FHIT: variants seen among roughly 807,000 people sequenced by gnomAD.
FHIT encodes the protein bis(5'-adenosyl)-triphosphatase.
A neutral mutation model predicts 17.9 loss-of-function variants in FHIT; 19 were observed. That is an observed-to-expected ratio of 1.06 (90% CI 0.74 to 1.56). The LOEUF (loss-of-function observed/expected upper bound fraction) is 1.56. Ranked by LOEUF, FHIT falls within the 40% of genes most tolerant of loss-of-function variation. The pLI, the probability that FHIT is intolerant of heterozygous loss-of-function variation, is 0.00. For synonymous variants in FHIT, 81 were observed against 69.7 expected (o/e 1.16, Z -0.81); for missense variants, 248 against 189.2 (o/e 1.31, Z -1.82).
At chr3:59,798,340 T>C (rs1699862673) in intron 8 of FHIT, among the ~76,000 whole-genome samples, 1 of 152,160 alleles carries the variant, frequency 6.6e-6, no homozygotes, top group Non-Finnish European at 1.5e-5. Context: ...GCTATACGAT[T>C]TAGGTAAATT....
intron 5 of FHIT, among the ~76,000 whole-genome samples, chr3:60,280,232 C>CA (rs1707367375): frequency 2.0e-5 from 3 of 151,850 alleles, no homozygotes; most frequent in South Asian, 2.1e-4. Flanking sequence ...AACTCGATAC[C>CA]AAAAAATCTA....
intron 4 of FHIT, among the ~76,000 whole-genome samples, chr3:60,801,270 C>T (rs1559733480): frequency 6.6e-6 from 1 of 152,214 alleles, no homozygotes. Context: ...GCCAGTCTCA[C>T]TCCCAAGGTG....
chr3:60,895,362 C>T (rs1276445759), intron 3 of FHIT, among the ~76,000 whole-genome samples: 1 of 152,156 alleles, frequency 6.6e-6, no homozygotes, highest in Admixed American at 6.5e-5. Context: ...AAGGTGTTTT[C>T]TGCCAGATTA....
At chr3:60,334,507 G>C (rs1417890554) in intron 5 of FHIT, among the ~76,000 whole-genome samples, 4 of 152,176 alleles carry the variant, frequency 2.6e-5, no homozygotes, top group Admixed American at 6.5e-5. Context: ...TGATGTATTG[G>C]CCAGCACAGT....
chr3:60,534,121 G>C (rs376002750), intron 5 of FHIT, among the ~76,000 whole-genome samples: 6 of 152,306 alleles, frequency 3.9e-5, no homozygotes, highest in African/African-American at 1.4e-4. Context: ...AAGCAAAGGA[G>C]TACCTTATTA....
intron 4 of FHIT, among the ~76,000 whole-genome samples, chr3:60,568,519 G>A (rs1162820668): frequency 1.3e-5 from 2 of 151,848 alleles, no homozygotes; most frequent in Admixed American, 1.3e-4. Flanking sequence ...ATCACGAGTT[G>A]ATGGGTGCAG....
At chr3:60,824,769 G>A (rs1228363719) in intron 3 of FHIT, among the ~76,000 whole-genome samples, 1 of 152,156 alleles carries the variant, frequency 6.6e-6, no homozygotes, top group Non-Finnish European at 1.5e-5. Context: ...AAACATGGGA[G>A]TCTCTCTGCA....
chr3:60,465,528 A>T (rs1202890155), intron 5 of FHIT, among the ~76,000 whole-genome samples: 1 of 152,124 alleles, frequency 6.6e-6, no homozygotes, highest in Non-Finnish European at 1.5e-5. Context: ...TTGAGGTCTT[A>T]TATTTAAGTC....
At chr3:60,753,858 T>G (rs2042517971) in intron 4 of FHIT, among the ~76,000 whole-genome samples, 1 of 152,172 alleles carries the variant, frequency 6.6e-6, no homozygotes, top group Non-Finnish European at 1.5e-5. Flanking sequence ...TAAGTAGGGC[T>G]GCTTTACAAT....
At chr3:60,684,372 A>T (rs1246964275) in intron 4 of FHIT, among the ~76,000 whole-genome samples, 5 of 152,130 alleles carry the variant, frequency 3.3e-5, no homozygotes, top group African/African-American at 1.2e-4. Flanking sequence ...TAGAAATTTG[A>T]TGTGGATACG....
chr3:60,784,310 C>G (rs1201968209), intron 4 of FHIT, among the ~76,000 whole-genome samples: 1 of 151,772 alleles, frequency 6.6e-6, no homozygotes, highest in Non-Finnish European at 1.5e-5. Context: ...AGGTGACCTG[C>G]TCTACCCAGA....
intron 3 of FHIT, among the ~76,000 whole-genome samples, chr3:60,921,394 T>C (rs1707271749): frequency 6.6e-6 from 1 of 152,054 alleles, no homozygotes; most frequent in Non-Finnish European, 1.5e-5. Flanking sequence ...CAAGAGTGCA[T>C]GAGAAAGAAA....
chr3:59,757,847 T>G (rs773224613), intron 8 of FHIT, among the ~76,000 whole-genome samples: 96 of 152,166 alleles, frequency 6.3e-4, no homozygotes, highest in Non-Finnish European at 1.1e-3. Flanking sequence ...AACTGTATTG[T>G]TTTTTTAGAT....
chr3:60,773,759 T>C (rs1386508609), intron 4 of FHIT, among the ~76,000 whole-genome samples: 1 of 152,274 alleles, frequency 6.6e-6, no homozygotes, highest in Admixed American at 6.5e-5. Flanking sequence ...TAGATTACAG[T>C]TTCCCAGACT....
intron 8 of FHIT, among the ~76,000 whole-genome samples, chr3:59,778,094 C>T (rs1702412423): frequency 6.6e-6 from 1 of 152,142 alleles, no homozygotes; most frequent in Non-Finnish European, 1.5e-5. Context: ...ATCTCTTTGG[C>T]GGTCTGGGTC....
intron 2 of FHIT, among the ~76,000 whole-genome samples, chr3:61,142,132 T>A (rs986957615): frequency 1.1e-4 from 17 of 151,372 alleles, no homozygotes; most frequent in African/African-American, 3.6e-4. Flanking sequence ...ATTTTTTTTT[T>A]ATCTGAGAAT....
intron 4 of FHIT, among the ~76,000 whole-genome samples, chr3:60,685,180 A>G (rs534704327): frequency 6.6e-6 from 1 of 152,286 alleles, no homozygotes; most frequent in Non-Finnish European, 1.5e-5. Flanking sequence ...AATTCAGTAC[A>G]TAGGTGTTCA....
chr3:60,618,971 C>T (rs904238567), intron 4 of FHIT, among the ~76,000 whole-genome samples: 1 of 151,102 alleles, frequency 6.6e-6, no homozygotes, highest in Admixed American at 6.6e-5. Flanking sequence ...GAATGCAGTA[C>T]GGCTGGTACC....
chr3:60,000,728 G>A (rs1575853624), intron 7 of FHIT, among the ~76,000 whole-genome samples: 2 of 151,942 alleles, frequency 1.3e-5, no homozygotes, highest in Non-Finnish European at 2.9e-5. Context: ...AAGCACATGT[G>A]AAATACCCTC....
Sources: allele counts gnomAD v4.1 joint callset (sites outside exome capture counted in the v4.1 genomes callset), GRCh38; gene constraint gnomAD v4.1.1; transcripts MANE v1.5; gene names NCBI Gene and HGNC (gene_info 2026-07-23, HGNC 2026-07-21).